Variants in PLAA observed in about 807,000 individuals in gnomAD.
PLAA encodes phospholipase A2 activating protein.
In PLAA, 48 loss-of-function variants were observed where a neutral mutation model predicts 84.1. The observed-to-expected ratio is 0.57, with a 90% CI of 0.45 to 0.73. The LOEUF is 0.73. Ranked by LOEUF, PLAA falls within the 30% of genes least tolerant of loss-of-function variation. PLAA has a pLI of 0.00. For missense variants in PLAA, 903 were observed against 954.7 expected (o/e 0.95, Z 0.71); for synonymous variants, 392 against 336.6 (o/e 1.16, Z -1.80).
intron 12 of PLAA, among the ~76,000 whole-genome samples, chr9:26,909,532 G>GATA (rs1824334945): frequency 6.6e-6 from 1 of 151,132 alleles, no homozygotes; most frequent in Non-Finnish European, 1.5e-5. Context: ...CTTAGTCCAA[G>GATA]ACAACAACAA....
chr9:26,928,035 T>C, intron 4 of PLAA, 65 bp downstream of exon 4: 2 of 1,519,388 alleles, frequency 1.3e-6, no homozygotes, highest in Non-Finnish European at 8.9e-7. Flanking sequence ...TGTAAACTTC[T>C]GAGAAAAAAA....
chr9:26,933,377 G>C (rs1317114159), intron 2 of PLAA, among the ~76,000 whole-genome samples: 1 of 152,056 alleles, frequency 6.6e-6, no homozygotes, highest in Non-Finnish European at 1.5e-5. Context: ...AGTCCTGGCA[G>C]AGGCTATAGT....
chr9:26,942,994 A>G (rs568634464), intron 1 of PLAA, among the ~76,000 whole-genome samples: 64 of 152,258 alleles, frequency 4.2e-4, no homozygotes, highest in African/African-American at 1.4e-3. Flanking sequence ...GATTACAACT[A>G]AAAAATCTAT....
chr9:26,907,131 G>A (rs1824261962), intron 13 of PLAA, among the ~76,000 whole-genome samples: 1 of 147,244 alleles, frequency 6.8e-6, no homozygotes, highest in South Asian at 2.2e-4. Context: ...AGACTTAACT[G>A]ACATAATTGG....
At chr9:26,932,606 T>G (rs567078689) in intron 2 of PLAA, among the ~76,000 whole-genome samples, 2 of 152,186 alleles carry the variant, frequency 1.3e-5, no homozygotes, top group South Asian at 4.1e-4. Flanking sequence ...AGAAAAAGTT[T>G]GCCAACCCCT....
At chr9:26,928,630 C>T (rs764133955) in intron 2 of PLAA, among the ~76,000 whole-genome samples, 1 of 152,188 alleles carries the variant, frequency 6.6e-6, no homozygotes, top group Non-Finnish European at 1.5e-5. Flanking sequence ...TTACAAGCCA[C>T]GTAACTGCAG....
intron 11 of PLAA, among the ~76,000 whole-genome samples, chr9:26,912,370 G>A (rs1383637958): frequency 6.6e-6 from 1 of 152,220 alleles, no homozygotes; most frequent in African/African-American, 2.4e-5. Context: ...AATGAGGAAT[G>A]TGGGGCAAGG....
At chr9:26,940,544 A>G (rs1019917181) in intron 1 of PLAA, among the ~76,000 whole-genome samples, 3 of 152,226 alleles carry the variant, frequency 2.0e-5, no homozygotes, top group Admixed American at 1.3e-4. Flanking sequence ...CAGTGTAAAG[A>G]GATAAAAAGA....
Position 26,947,158 on chromosome 9 carries a change from C to G in PLAA, c.-113G>C. 1 of 1,268,462 alleles carries G rather than the reference C, an allele frequency of 7.9e-7. No individual in the cohort carries two copies. Among genetic ancestry groups the G allele is most frequent in the East Asian group, 3.0e-5 (1 of 33,488 alleles). The allele number at this position is 1,268,462 out of a possible 1,614,324, so 78.6% of individuals were successfully genotyped here. A position where few individuals can be genotyped will look rare whatever the true frequency, so the allele number is the denominator to read the frequency against. The stretch of plus-strand genomic sequence containing the variant: ...AGAAGAGCCTGCAGGTAAGGGGCGG[C>G]CGGAGACCGGAAGAGCCCGAGAGCC... On this transcript the variant is annotated 5_prime_UTR_variant, in exon 1 of 14. Coordinates refer to ENST00000397292, the MANE Select transcript of PLAA (RefSeq NM_001031689.3).
At chr9:26,920,439 A>G (rs1824724824) in intron 7 of PLAA, 55 bp from the exon 8 acceptor site, 2 of 1,168,504 alleles carry the variant, frequency 1.7e-6, no homozygotes, top group African/African-American at 1.5e-5. Context: ...AAATTGAAAA[A>G]CATTTAAATA....
chr9:26,931,416 C>T (rs1226019142), intron 2 of PLAA, among the ~76,000 whole-genome samples: 1 of 152,010 alleles, frequency 6.6e-6, no homozygotes, highest in Non-Finnish European at 1.5e-5. Context: ...TAAAAATTAC[C>T]ATTATGTGAA....
At position 26,906,061 on chromosome 9, in the gene PLAA, G is replaced by T; in HGVS notation, c.1838C>A (p.Ala613Glu). The change falls in exon 14 of 14, where the codon GCA becomes GAA. Residue 613 changes from alanine (A) to glutamate (E), a missense_variant. Coordinates refer to ENST00000397292, the MANE Select transcript of PLAA (RefSeq NM_001031689.3). ...INCPEDIVFP[A>E]LDILRLSIKH... Reference sequence around the variant, plus strand: ...AATTGACAACCGAAGAATGTCAAGTGCAGGAAAGACAATATCTATTAAAAA... The same window carrying T: ...AATTGACAACCGAAGAATGTCAAGTTCAGGAAAGACAATATCTATTAAAAA... 6.5e-7 allele frequency: 1 copy of T among 1,545,814 alleles called. No individual in the cohort carries two copies. The highest frequency in any genetic ancestry group is 8.7e-7 in the Non-Finnish European group (1 of 1,144,710).
intron 7 of PLAA, among the ~76,000 whole-genome samples, chr9:26,921,866 G>A (rs925691000): frequency 6.6e-6 from 1 of 152,176 alleles, no homozygotes; most frequent in Non-Finnish European, 1.5e-5. Context: ...ATACAAATGG[G>A]AAGCTACTAA....
At chr9:26,914,024 C>T in intron 10 of PLAA, 77 bp from the exon 11 acceptor site, 1 of 983,734 alleles carries the variant, frequency 1.0e-6, no homozygotes. Context: ...CGCTTATTTC[C>T]AGTATTAAGC....
rs1040115518 is a variant in PLAA at position 26,947,108 on chromosome 9, T to A, written c.-63A>T. On this transcript the variant is annotated 5_prime_UTR_variant, in exon 1 of 14. Transcript: ENST00000397292. ...TGCGAGACCAGTCCGCAGGGGCGACTCGGAGAGCGCCGGGCCGCGGCGGGA... is the reference window on the plus strand; with the variant it reads ...TGCGAGACCAGTCCGCAGGGGCGACACGGAGAGCGCCGGGCCGCGGCGGGA... 2 of 1,414,036 alleles carry A rather than the reference T, an allele frequency of 1.4e-6. No homozygotes were observed. The highest frequency in any genetic ancestry group is 1.5e-5 in the South Asian group (1 of 66,268). 87.6% of individuals were successfully genotyped at this position (1,414,036 alleles called of 1,614,324 possible).
At position 26,925,886 on chromosome 9, in the gene PLAA, G is replaced by T. The variant is rs762205010; in HGVS notation, c.808C>A (p.Pro270Thr). 134 of 1,613,704 alleles carry T rather than the reference G, an allele frequency of 8.3e-5. No homozygotes were observed. The highest frequency in any genetic ancestry group is 1.1e-4 in the Non-Finnish European group (132 of 1,179,762). The change falls in exon 6 of 14, where the codon CCA (proline) becomes ACA (threonine). Residue 270 changes from proline (P) to threonine (T), a missense_variant. Physicochemically the swap from Pro to Thr is conservative, Grantham distance 38 (BLOSUM62 -1). Coordinates refer to ENST00000397292, the MANE Select transcript of PLAA (RefSeq NM_001031689.3). The stretch of plus-strand genomic sequence containing the variant: ...CAGCAGCACCATATAGACTGAGCTG[G>T]AAGTCGGATAGTTTGAGCACATTCC... ...HGECAQTIRL[P>T]AQSIWCCCVL...
intron 10 of PLAA, chr9:26,916,765 T>C (rs1346989012): frequency 7.3e-6 from 6 of 825,662 alleles, no homozygotes; most frequent in Admixed American, 5.8e-5. Context: ...CAACTTCTCA[T>C]AGCAAGTAAG....
At chr9:26,945,546 T>C (rs1825667455) in intron 1 of PLAA, among the ~76,000 whole-genome samples, 1 of 152,218 alleles carries the variant, frequency 6.6e-6, no homozygotes, top group Non-Finnish European at 1.5e-5. Context: ...GTGTTGATTA[T>C]ACTACTTCAA....
rs1462502251 is a variant in PLAA at position 26,905,436 on chromosome 9, ATC to A, written c.*73_*74del. 9 of 1,081,704 alleles carry A rather than the reference ATC, an allele frequency of 8.3e-6. No individual in the cohort carries two copies. Among genetic ancestry groups the A allele is most frequent in the Non-Finnish European group, 1.2e-5 (9 of 742,142 alleles). The allele number at this position is 1,081,704 out of a possible 1,614,324, so 67.0% of individuals were successfully genotyped here. On this transcript the variant is annotated 3_prime_UTR_variant, in exon 14 of 14. Coordinates refer to ENST00000397292, the MANE Select transcript of PLAA (RefSeq NM_001031689.3). ...TCCACCGTATTCTCTTTTTTTAATT[ATC>A]TGTTATCAGTCATGTCAAATGTGAG...
Sources: allele counts gnomAD v4.1 joint callset (sites outside exome capture counted in the v4.1 genomes callset), GRCh38; gene constraint gnomAD v4.1.1; transcripts MANE v1.5; gene names NCBI Gene and HGNC (gene_info 2026-07-23, HGNC 2026-07-21).